The following NPEPPS variants were observed in gnomAD, a reference collection of about 807,000 sequenced individuals.
The protein encoded by NPEPPS is aminopeptidase puromycin sensitive.
In NPEPPS, 14 loss-of-function variants were observed where a neutral mutation model predicts 115.5. The ratio of observed to expected loss-of-function variants is 0.12; its 90% CI spans 0.08 to 0.19. NPEPPS has a LOEUF of 0.19. Among genes scored for constraint, NPEPPS ranks in the 10% least tolerant of loss-of-function variants. The probability of loss-of-function intolerance (pLI) is 1.00; values close to 1 mark genes in which losing one functional copy is unlikely to be tolerated. For synonymous variants in NPEPPS, 285 were observed against 390.6 expected, an observed-to-expected ratio of 0.73 and a Z score of 3.19; for missense variants, 523 against 1,110.8, an observed-to-expected ratio of 0.47 and a Z score of 7.52.
At chr17:47,536,498 A>G (rs1046988676) in intron 1 of NPEPPS, among the ~76,000 whole-genome samples, 33 of 140,906 alleles carry the variant, frequency 2.3e-4, no homozygotes, top group African/African-American at 8.0e-4. Context: ...GGTTCAAGCA[A>G]TTCTCCTGCC....
intron 12 of NPEPPS, among the ~76,000 whole-genome samples, chr17:47,594,536 G>T (rs1328502279): frequency 3.3e-5 from 5 of 150,136 alleles, no homozygotes; most frequent in African/African-American, 1.2e-4. Flanking sequence ...TCAGCCTCCT[G>T]AGTAGCTGGG....
chr17:47,542,727 G>A (rs568106002), intron 1 of NPEPPS, among the ~76,000 whole-genome samples: 1 of 152,142 alleles, frequency 6.6e-6, no homozygotes, highest in East Asian at 1.9e-4. Context: ...TTGTGATTTA[G>A]GGCATCTGTG....
At chr17:47,579,930 CGTGTGTGTGT>C (rs10591746) in intron 4 of NPEPPS, 54 of 146,532 alleles carry the variant, frequency 3.7e-4, no homozygotes, top group Non-Finnish European at 5.9e-4. Context: ...TTTTTTTCTC[CGTGTGTGTGT>C]GTGTGTGTGT....
chr17:47,589,002 T>G (rs2610300), intron 9 of NPEPPS, among the ~76,000 whole-genome samples: 6 of 152,206 alleles, frequency 3.9e-5, no homozygotes, highest in African/African-American at 9.7e-5. Context: ...TTACAGTCTT[T>G]ACCTCTGGGC....
intron 1 of NPEPPS, among the ~76,000 whole-genome samples, chr17:47,538,527 T>C (rs1420110920): frequency 8.9e-6 from 1 of 112,070 alleles, no homozygotes; most frequent in Non-Finnish European, 1.7e-5. Flanking sequence ...ATCTGTTTTC[T>C]TTTTTTTTTT....
At chr17:47,621,180 C>CAA (rs5820662) in intron 22 of NPEPPS, among the ~76,000 whole-genome samples, 63 of 84,700 alleles carry the variant, frequency 7.4e-4, no homozygotes, top group African/African-American at 2.3e-3. Flanking sequence ...GACCCTGTCT[C>CAA]AAAAAAAAAA....
At chr17:47,562,941 C>G (rs1173425370) in intron 2 of NPEPPS, among the ~76,000 whole-genome samples, 5 of 151,810 alleles carry the variant, frequency 3.3e-5, no homozygotes, top group Admixed American at 3.3e-4. Context: ...AACCTTCCAT[C>G]ATGAGTTGGA....
At chr17:47,614,365 T>A (rs1914062217) in intron 19 of NPEPPS, among the ~76,000 whole-genome samples, 1 of 152,236 alleles carries the variant, frequency 6.6e-6, no homozygotes, top group Admixed American at 6.5e-5. Context: ...TCTGCCCATT[T>A]TAAGCAAAAC....
At position 47,623,119 on chromosome 17, in the gene NPEPPS, TTG is replaced by T. The variant is rs1388795258; in HGVS notation, c.*1203_*1204del. The T allele has an allele frequency of 3.9e-6, 1 of 257,274 alleles. No homozygotes were observed. The highest frequency in any genetic ancestry group is 1.3e-4 in the East Asian group (1 of 7,814). 15.9% of individuals were successfully genotyped at this position (257,274 alleles called of 1,614,324 possible). On this transcript the variant is annotated 3_prime_UTR_variant, in exon 23 of 23. Transcript: ENST00000322157. ...TTTCTTTTTTTCTTAAAAAAATATT[TTG>T]TGTTATTAACAGAAATTCATATTTG...
At chr17:47,554,288 C>A (rs562948150) in intron 2 of NPEPPS, among the ~76,000 whole-genome samples, 1 of 152,276 alleles carries the variant, frequency 6.6e-6, no homozygotes, top group Non-Finnish European at 1.5e-5. Context: ...GATCTTCCCC[C>A]CTCAGCCTCG....
At position 47,601,273 on chromosome 17, in the gene NPEPPS, G is replaced by T. The variant is rs948122517; in HGVS notation, c.1601-335G>T. On this transcript the variant is annotated intron_variant, in intron 14 of 22. Coordinates refer to ENST00000322157, the MANE Select transcript of NPEPPS (RefSeq NM_006310.4). ...ACATACATATATATATATATTTTTTGTTGTTGTTGTTGTTTTTTTACTTTA... is the reference window on the plus strand; with the variant it reads ...ACATACATATATATATATATTTTTTTTTGTTGTTGTTGTTTTTTTACTTTA... Among the ~76,000 whole-genome samples the T allele has an allele frequency of 9.9e-5, 15 of 151,830 alleles. No homozygotes were observed. In the South Asian group the frequency reaches 1.2e-3, roughly 13 times the overall value.
chr17:47,614,309 A>G (rs766966768), intron 19 of NPEPPS, among the ~76,000 whole-genome samples: 2 of 152,168 alleles, frequency 1.3e-5, no homozygotes, highest in African/African-American at 2.4e-5. Flanking sequence ...TTGATTAACA[A>G]GTCACTTTCT....
At chr17:47,562,915 A>G (rs1156334688) in intron 2 of NPEPPS, among the ~76,000 whole-genome samples, 2 of 151,670 alleles carry the variant, frequency 1.3e-5, no homozygotes, top group Non-Finnish European at 2.9e-5. Context: ...CGTGGTCTTT[A>G]TATTTGAGTG....
At chr17:47,543,220 GCACA>G (rs951275650) in intron 1 of NPEPPS, among the ~76,000 whole-genome samples, 12 of 149,716 alleles carry the variant, frequency 8.0e-5, no homozygotes, top group South Asian at 2.1e-4. Context: ...TTAATGGCGC[GCACA>G]CACACACACA....
At chr17:47,524,499 A>T (rs1346739145) in intron 1 of NPEPPS, among the ~76,000 whole-genome samples, 4 of 141,742 alleles carry the variant, frequency 2.8e-5, no homozygotes, top group East Asian at 2.1e-4. Flanking sequence ...AATTAAAAAC[A>T]TTTTTTTTTT....
At chr17:47,553,601 T>A (rs566696106) in intron 2 of NPEPPS, among the ~76,000 whole-genome samples, 134 of 152,288 alleles carry the variant, frequency 8.8e-4, no homozygotes, top group African/African-American at 3.1e-3. Flanking sequence ...GTAGCAAAAC[T>A]TATATATGCT....
intron 15 of NPEPPS, 70 bp from the exon 16 acceptor site, chr17:47,603,841 CTTTT>C: frequency 7.0e-7 from 1 of 1,420,808 alleles, no homozygotes; most frequent in Non-Finnish European, 9.6e-7. Flanking sequence ...ACCAGAACTC[CTTTT>C]AAACATACAA....
chr17:47,579,400 C>A lies in NPEPPS; in HGVS notation c.429C>A (p.Thr143=). Residue 143 remains threonine (T), a synonymous_variant, in exon 4 of 23, where the codon ACC becomes ACA. Coordinates refer to ENST00000322157, the MANE Select transcript of NPEPPS (RefSeq NM_006310.4). ...TATCTTCAATCACAGGTACGGGAAC[C>A]TTAAAGATAGATTTTGTTGGAGAGC... is the stretch of plus-strand genomic sequence containing the variant. ...FPSTLQTGTG[T]LKIDFVGELN... 6.2e-7 allele frequency: 1 copy of A among 1,606,970 alleles called. No homozygotes were observed. Among genetic ancestry groups the A allele is most frequent in the Non-Finnish European group, 8.5e-7 (1 of 1,177,148 alleles).
chr17:47,559,638 T>G (rs1300419637), intron 2 of NPEPPS: 2 of 455,928 alleles, frequency 4.4e-6, no homozygotes, highest in African/African-American at 2.0e-5. Flanking sequence ...GTTCAGAAGT[T>G]TAATCACATT....
Sources: allele counts gnomAD v4.1 joint callset (sites outside exome capture counted in the v4.1 genomes callset), GRCh38; gene constraint gnomAD v4.1.1; transcripts MANE v1.5; gene names NCBI Gene and HGNC (gene_info 2026-07-23, HGNC 2026-07-21).